The following IL31RA variants were observed in gnomAD, a reference collection of about 807,000 sequenced individuals.
IL31RA encodes the protein interleukin-31 receptor subunit alpha.
In IL31RA, 66 loss-of-function variants were observed where a neutral mutation model predicts 83.7. The observed-to-expected ratio is 0.79, with a 90% confidence interval of 0.65 to 0.97. The LOEUF is 0.97. IL31RA is among the 50% of genes least tolerant of loss of function. IL31RA has a pLI of 0.00. For synonymous variants in IL31RA, 325 were observed against 329.0 expected (o/e 0.99, Z 0.13); for missense variants, 798 against 919.4 (o/e 0.87, Z 1.71).
the IL31RA span, among the ~76,000 whole-genome samples, chr5:55,843,538 G>T: frequency 6.6e-6 from 1 of 151,990 alleles, no homozygotes; most frequent in East Asian, 1.9e-4. Context: ...CTGCCTACTG[G>T]GTTTGTCCAT....
At chr5:55,877,906 A>G (rs76267114) in intron 4 of IL31RA, among the ~76,000 whole-genome samples, 278 of 152,250 alleles carry the variant, frequency 1.8e-3, no homozygotes, top group African/African-American at 6.5e-3. Context: ...TATTTCTTCA[A>G]ATAATCTCTC....
chr5:55,868,690 T>G, intron 2 of IL31RA, 101 bp from the exon 3 acceptor site: 1 of 821,220 alleles, frequency 1.2e-6, no homozygotes, highest in Non-Finnish European at 2.1e-6. Context: ...AAAATCTAGC[T>G]TTTGATCAGC....
intron 3 of IL31RA, among the ~76,000 whole-genome samples, chr5:55,869,776 T>C (rs1358842938): frequency 6.6e-6 from 1 of 152,166 alleles, no homozygotes; most frequent in Admixed American, 6.5e-5. Context: ...GCCTGTCCTT[T>C]TTAACAAAAA....
At chr5:55,881,153 T>A (rs555535939) in intron 4 of IL31RA, among the ~76,000 whole-genome samples, 6 of 151,814 alleles carry the variant, frequency 4.0e-5, no homozygotes, top group Middle Eastern at 3.4e-3. Context: ...ATACAAAAAA[T>A]TAGCTGGGCG....
At chr5:55,858,293 T>A (rs1298484487) in intron 1 of IL31RA, among the ~76,000 whole-genome samples, 1 of 152,208 alleles carries the variant, frequency 6.6e-6, no homozygotes, top group African/African-American at 2.4e-5. Flanking sequence ...TTAGGACTTG[T>A]AAATAATGTG....
intron 5 of IL31RA, among the ~76,000 whole-genome samples, chr5:55,885,158 T>A (rs1199563259): frequency 1.3e-5 from 2 of 152,210 alleles, no homozygotes; most frequent in East Asian, 3.9e-4. Context: ...TACTTTTTTT[T>A]ATCTTGTCCA....
At position 55,867,123 on chromosome 5, in the gene IL31RA, TTG is replaced by T. The variant is rs1362555467; in HGVS notation, c.155-1657_155-1656del. 2.6e-3 allele frequency among the ~76,000 whole-genome samples: 232 copies of T among 88,832 alleles called. 6 individuals carry two copies. Among genetic ancestry groups the T allele is most frequent in the Middle Eastern group, 0.024 (3 of 124 alleles). 58.3% of individuals were successfully genotyped at this position (88,832 alleles called of 152,430 possible). A position where few individuals can be genotyped will look rare whatever the true frequency, so the allele number is the denominator to read the frequency against. ...TTTGTGTGTGTGTGCATGTGTGTGT[TTG>T]TGTGTGTGTGCATGTGTGTGTGCAT... On this transcript the variant is annotated intron_variant, in intron 2 of 14. Coordinates refer to ENST00000652347, the MANE Select transcript of IL31RA (RefSeq NM_139017.7).
intron 2 of IL31RA, among the ~76,000 whole-genome samples, chr5:55,867,153 G>A (rs1561543004): frequency 7.4e-6 from 1 of 135,594 alleles, no homozygotes; most frequent in Non-Finnish European, 1.6e-5. Context: ...GTGTGCATGT[G>A]TGTTTGTGTG....
chr5:55,888,040 G>T (rs1193216845), intron 5 of IL31RA, among the ~76,000 whole-genome samples: 3 of 147,428 alleles, frequency 2.0e-5, no homozygotes, highest in African/African-American at 7.8e-5. Flanking sequence ...ACAGAGTCAG[G>T]GAAAAAAAAA....
chr5:55,856,516 G>A (rs1205646705), intron 1 of IL31RA, among the ~76,000 whole-genome samples: 2 of 152,212 alleles, frequency 1.3e-5, no homozygotes, highest in African/African-American at 4.8e-5. Flanking sequence ...TGGGGAGGCT[G>A]ATTCACCTCA....
intron 5 of IL31RA, 73 bp from the exon 6 acceptor site, chr5:55,889,897 T>G: frequency 7.6e-7 from 1 of 1,317,120 alleles, no homozygotes. Context: ...AAAAGTACAC[T>G]AGGTAGTGAA....
At chr5:55,886,905 G>T (rs945518749) in intron 5 of IL31RA, among the ~76,000 whole-genome samples, 2 of 152,168 alleles carry the variant, frequency 1.3e-5, no homozygotes, top group African/African-American at 4.8e-5. Flanking sequence ...CCTGGGCCTG[G>T]TCCCTCCTCT....
Position 55,906,281 on chromosome 5 carries a change from C to G in IL31RA, c.1245C>G (p.Ile415Met), listed in dbSNP as rs774107087. 6.2e-7 allele frequency: 1 copy of G among 1,614,008 alleles called. No individual in the cohort carries two copies. Among genetic ancestry groups the G allele is most frequent in the South Asian group, 1.1e-5 (1 of 91,064 alleles). Reference protein sequence around the residue: ...ESVSQATNWTIQQDKLKPFWC... With the variant: ...ESVSQATNWTMQQDKLKPFWC... ...TGTCTCAGGCCACGAACTGGACGATCCAGCAAGGTAGCCAGGGCGGAACTC... is the reference window on the plus strand; with the variant it reads ...TGTCTCAGGCCACGAACTGGACGATGCAGCAAGGTAGCCAGGGCGGAACTC... Residue 415 changes from isoleucine (I) to methionine (M), a missense_variant, in exon 9 of 15, where the codon ATC becomes ATG. By Grantham distance (10) the Ile-to-Met change is conservative (BLOSUM62 1). Coordinates refer to ENST00000652347, the MANE Select transcript of IL31RA (RefSeq NM_139017.7).
At chr5:55,864,352 C>CAT (rs34097639) in intron 2 of IL31RA, among the ~76,000 whole-genome samples, 99,283 of 146,888 alleles carry the variant, frequency 0.68, 34,046 homozygotes, top group Middle Eastern at 0.76. Flanking sequence ...CACACACACA[C>CAT]ACACCACACA....
intron 12 of IL31RA, among the ~76,000 whole-genome samples, chr5:55,911,675 A>C (rs1749509828): frequency 6.6e-6 from 1 of 152,156 alleles, no homozygotes; most frequent in Non-Finnish European, 1.5e-5. Context: ...TGAAGCAGAA[A>C]GAAGGAAGGA....
rs11394491 is a variant in IL31RA at position 55,922,060 on chromosome 5, G to GC, written c.*4940_*4941insC. On this transcript the variant is annotated 3_prime_UTR_variant, in exon 15 of 15. Transcript: ENST00000652347. Reference sequence around the variant, plus strand: ...TTGCACTCTTATGTTGTGGCGGGGGGGGGGGGCGGTTCCTGAAGAGTGGAG... The same window carrying GC: ...TTGCACTCTTATGTTGTGGCGGGGGGCGGGGGGCGGTTCCTGAAGAGTGGAG... Among the ~76,000 whole-genome samples, 25 of 145,510 alleles carry GC rather than the reference G, an allele frequency of 1.7e-4. 2 individuals are homozygous for GC. The highest frequency in any genetic ancestry group is 4.6e-4 in the African/African-American group (17 of 37,064).
chr5:55,899,005 CAGAG>C (rs1039243754), intron 7 of IL31RA, among the ~76,000 whole-genome samples: 2 of 152,014 alleles, frequency 1.3e-5, no homozygotes, highest in Non-Finnish European at 2.9e-5. Flanking sequence ...GCCTGGGCGA[CAGAG>C]AGAGACTCTG....
At chr5:55,849,099 T>C (rs1744996532), upstream of IL31RA, among the ~76,000 whole-genome samples, 1 of 152,178 alleles carries the variant, frequency 6.6e-6, no homozygotes, top group Non-Finnish European at 1.5e-5. Context: ...TACATATACA[T>C]AGTTTAAACA....
chr5:55,867,188 T>TTTGTGTGTGCATGTGTGA, intron 2 of IL31RA, among the ~76,000 whole-genome samples: 1 of 56,376 alleles, frequency 1.8e-5, no homozygotes, highest in African/African-American at 8.6e-5. Flanking sequence ...TGCATGTGTG[T>TTTGTGTGTGCATGTGTGA]TTGTGTGTGT....
Sources: gnomAD v4.1 joint callset for allele counts (sites outside exome capture counted in the v4.1 genomes callset) on GRCh38, gnomAD v4.1.1 for gene constraint, MANE v1.5 for transcripts, NCBI Gene and HGNC (gene_info 2026-07-23, HGNC 2026-07-21) for gene names.